Variants in TTN observed in about 807,000 individuals in gnomAD.
The protein encoded by TTN is connectin.
In TTN, 1,525 loss-of-function variants were observed where a neutral mutation model predicts 3,223.0. The observed-to-expected ratio is 0.47, with a 90% CI of 0.45 to 0.49. The LOEUF (loss-of-function observed/expected upper bound fraction) is 0.49, where lower values mean the gene tolerates loss of function less well. TTN is among the 20% of genes least tolerant of loss of function. TTN has a pLI of 0.00. For synonymous variants in TTN, 14,094 were observed against 15,161.0 expected (o/e 0.93, Z 5.17); for missense variants, 40,786 against 43,424.0 (o/e 0.94, Z 5.40).
At chr2:178,742,507 A>G (rs1228089332) in intron 47 of TTN, among the ~76,000 whole-genome samples, 1 of 152,190 alleles carries the variant, frequency 6.6e-6, no homozygotes, top group Admixed American at 6.5e-5. Context: ...TATGTAAATC[A>G]CCATATTACT....
Position 178,652,267 on chromosome 2 carries a change from T to C in TTN, c.39208A>G (p.Lys13070Glu). The C allele has an allele frequency of 6.2e-7, 1 of 1,613,610 alleles. No homozygotes were observed. The highest frequency in any genetic ancestry group is 8.5e-7 in the Non-Finnish European group (1 of 1,179,700). ...ACAGCACCATGAGGGTGTCTACCTT[T>C]TGTGGGTGGCACTTCAGGCTTTTTA... Reference protein sequence around the residue: ...PPKKPEVPPTKVPEVPKVAVP... With the variant: ...PPKKPEVPPTEVPEVPKVAVP... Residue 13070 changes from lysine (K) to glutamate (E), a missense_variant, in exon 203 of 363, where the codon AAA (lysine) becomes GAA (glutamate). Coordinates refer to ENST00000589042, the MANE Select transcript of TTN (RefSeq NM_001267550.2).
In TTN at chr2:178,588,238, T is replaced by C; in HGVS notation, c.63188-19A>G. ...GGTGGCTCTGAAAGTAAAATATACA[T>C]ATAGTTAACTACTACTAGTGATACT... On this transcript the variant is annotated intron_variant, in intron 304 of 362. Transcript: ENST00000589042. 1 of 1,533,180 alleles carries C rather than the reference T, an allele frequency of 6.5e-7. No individual in the cohort carries two copies. Among genetic ancestry groups the C allele is most frequent in the Non-Finnish European group, 8.8e-7 (1 of 1,135,510 alleles). The allele number at this position is 1,533,180 out of a possible 1,614,324, so 95.0% of individuals were successfully genotyped here. A position where few individuals can be genotyped will look rare whatever the true frequency, so the allele number is the denominator to read the frequency against.
In TTN at chr2:178,791,635, G is replaced by A. The variant is rs773809846; in HGVS notation, c.1662+437C>T. On this transcript the variant is annotated intron_variant, in intron 10 of 362. Transcript: ENST00000589042. ...CCTCACTTTCCCTTGCTATTTATTC[G>A]GGGTGTTTATGGCTGATGTATGTGT... 6.7e-5 allele frequency among the ~76,000 whole-genome samples: 10 copies of A among 150,008 alleles called. No homozygotes were observed. The Middle Eastern group carries it at 0.01, about 153-fold the overall frequency.
At position 178,689,219 on chromosome 2, in the gene TTN, C is replaced by T; in HGVS notation, c.32011+71G>A. On this transcript the variant is annotated intron_variant, in intron 124 of 362. Transcript: ENST00000589042. ...AAAACAAAGAAATACACCCACAGTG[C>T]ACTCATATCACAAAACTAACAAAAT... 8 of 1,589,994 alleles carry T rather than the reference C, an allele frequency of 5.0e-6. No individual in the cohort carries two copies. The South Asian group carries it at 9.1e-5, about 18-fold the overall frequency.
Position 178,667,460 on chromosome 2 carries a change from C to T in TTN, c.35695G>A (p.Glu11899Lys). 6.2e-7 allele frequency: 1 copy of T among 1,601,024 alleles called. No individual in the cohort carries two copies. Among genetic ancestry groups the T allele is most frequent in the Non-Finnish European group, 8.5e-7 (1 of 1,177,614 alleles). ...AATATACCTTTAGTTGCTGGTGTTT[C>T]TCTCTTTTTAGGAATAGTCACATAT... is the stretch of plus-strand genomic sequence containing the variant. ...KIYVTIPKKR[E>K]TPATKEPDTT... Residue 11899 changes from glutamate (E) to lysine (K), a missense_variant, in exon 161 of 363, where the codon GAA (glutamate) becomes AAA (lysine). Transcript: ENST00000589042.
chr2:178,549,548 C>T, intron 338 of TTN, 22 bp downstream of exon 338: 1 of 1,604,406 alleles, frequency 6.2e-7, no homozygotes, highest in Non-Finnish European at 8.5e-7. Flanking sequence ...CATAGTACCG[C>T]TTAGTAAAAA....
chr2:178,663,348 G>A lies in TTN; in HGVS notation c.36618C>T (p.Val12206=), dbSNP rs777734136. 7.5e-6 allele frequency: 12 copies of A among 1,593,182 alleles called. No homozygotes were observed. The highest frequency in any genetic ancestry group is 1.0e-5 in the Non-Finnish European group (12 of 1,174,008). ...GGACAGCTGCCTTTGGCACCTCTGG[G>A]ACTTTAAAGATATTAGTATTTTCAT... is the stretch of plus-strand genomic sequence containing the variant. ...PKKPEVPPTK[V]PEVPKAAVPE... Residue 12206 remains valine (V), a splice_region_variant and synonymous_variant, in exon 173 of 363, where the codon GTC becomes GTT. Transcript: ENST00000589042.
At chr2:178,750,866 T>C (rs748260080) in intron 47 of TTN, 24 of 1,612,992 alleles carry the variant, frequency 1.5e-5, no homozygotes, top group Middle Eastern at 1.6e-4. Context: ...AATTGTAGTA[T>C]TGGCCATAAT....
Position 178,640,618 on chromosome 2 carries a change from G to C in TTN, c.40646C>G (p.Pro13549Arg), listed in dbSNP as rs769899028. The change falls in exon 221 of 363, where the codon CCA (proline) becomes CGA (arginine). Residue 13549 changes from proline (P) to arginine (R), a missense_variant. Transcript: ENST00000589042. ...AACCTCTTCAACAGGTTTTGGAGGT[G>C]GTGGTTCTGGTACTTTAAGATAAGA... is the stretch of plus-strand genomic sequence containing the variant. ...KVKKPAVPEP[P>R]PPKPVEEVEV... 6.3e-7 allele frequency: 1 copy of C among 1,582,960 alleles called. No individual in the cohort carries two copies. Among genetic ancestry groups the C allele is most frequent in the South Asian group, 1.2e-5 (1 of 86,148 alleles).
In TTN at chr2:178,566,208, C is replaced by A. The variant is rs1559348938; in HGVS notation, c.79924G>T (p.Gly26642Ter). The part of the protein sequence containing the change: ...EFTDKVQIEK[G>*]VNYTQLSIDN... Reference sequence around the variant, plus strand: ...ATTGATAGTTGGGTATAGTTTACTCCCTTTTCAATTTGGACCTTATCTGTG... The same window carrying A: ...ATTGATAGTTGGGTATAGTTTACTCACTTTTCAATTTGGACCTTATCTGTG... Residue 26642 changes from glycine to a stop codon, truncating the protein, a stop_gained, in exon 326 of 363, where the codon GGA becomes TGA. Coordinates refer to ENST00000589042, the MANE Select transcript of TTN (RefSeq NM_001267550.2). LOFTEE classifies it high-confidence loss of function. 6.2e-7 allele frequency: 1 copy of A among 1,613,658 alleles called. No homozygotes were observed. Among genetic ancestry groups the A allele is most frequent in the Non-Finnish European group, 8.5e-7 (1 of 1,179,696 alleles).
At position 178,617,844 on chromosome 2, in the gene TTN, T is replaced by C. The variant is rs1309017744; in HGVS notation, c.47507A>G (p.Gln15836Arg). The change falls in exon 253 of 363, where the codon CAA (glutamine) becomes CGA (arginine). Residue 15836 changes from glutamine to arginine, a missense_variant. Physicochemically the swap from Gln to Arg is conservative, Grantham distance 43. Transcript: ENST00000589042. Reference sequence around the variant, plus strand: ...TGGTTTTCCAACTCCAATTCGATTTTGGGCTCTCACTCGGAAACTGTACTC... The same window carrying C: ...TGGTTTTCCAACTCCAATTCGATTTCGGGCTCTCACTCGGAAACTGTACTC... ...GQEYSFRVRA[Q>R]NRIGVGKPSA... 7.4e-6 allele frequency: 12 copies of C among 1,612,532 alleles called. No homozygotes were observed. The highest frequency in any genetic ancestry group is 9.3e-6 in the Non-Finnish European group (11 of 1,179,092).
In TTN at chr2:178,793,634, A is replaced by G; in HGVS notation, c.1399-93T>C. On this transcript the variant is annotated intron_variant, in intron 8 of 362. Transcript: ENST00000589042. ...CCTCGCCAACATGGTGAAATCCTCT[A>G]CTAAAAAATACAAAAATTAGCTGGG... The G allele has an allele frequency of 1.3e-5, 21 of 1,564,442 alleles. 1 individual carries two copies. In the South Asian group the frequency reaches 2.1e-4, roughly 16 times the overall value.
chr2:178,588,504 T>A (rs2049533862), intron 304 of TTN, 34 bp downstream of exon 304: 1 of 1,498,478 alleles, frequency 6.7e-7, no homozygotes, highest in Non-Finnish European at 8.9e-7. Context: ...GATTAAGAGT[T>A]GCTGTAATAT....
intron 127 of TTN, among the ~76,000 whole-genome samples, chr2:178,687,836 C>A (rs1039915806): frequency 6.6e-6 from 1 of 152,084 alleles, no homozygotes; most frequent in African/African-American, 2.4e-5. Context: ...TATGGAGATA[C>A]CTGCCCTGAT....
At chr2:178,596,763 A>C (rs2051758191) in intron 294 of TTN, among the ~76,000 whole-genome samples, 1 of 152,024 alleles carries the variant, frequency 6.6e-6, no homozygotes, top group Non-Finnish European at 1.5e-5. Flanking sequence ...TTTTCACATA[A>C]AAACTGTGGC....
intron 218 of TTN, among the ~76,000 whole-genome samples, chr2:178,643,215 T>G (rs77562293): frequency 0.01 from 1,585 of 152,144 alleles, 34 homozygotes; most frequent in African/African-American, 0.036. Flanking sequence ...TTTTTAGATA[T>G]TTCTATAAAA....
chr2:178,636,545 C>T lies in TTN; in HGVS notation c.41182G>A (p.Glu13728Lys), dbSNP rs765483020. The T allele has an allele frequency of 2.5e-6, 4 of 1,613,474 alleles. No homozygotes were observed. The South Asian group carries it at 3.3e-5, about 13-fold the overall frequency. The change falls in exon 225 of 363, where the codon GAG (glutamate) becomes AAG (lysine). Residue 13728 changes from glutamate (E) to lysine (K), a missense_variant. By Grantham distance (56) the Glu-to-Lys change is moderately conservative. Coordinates refer to ENST00000589042, the MANE Select transcript of TTN (RefSeq NM_001267550.2). This position sits in a 1 kb window ranked among gnomAD's most constrained non-coding sequence, Gnocchi z 4.3. The stretch of plus-strand genomic sequence containing the variant: ...GCAATAAACCTGTGCTTGGGACTCT[C>T]ACGGATATTGCTACCGTCTTTCATC... ...TWMKDGSNIRESPKHRFIADG... is the reference protein window; with the variant it reads ...TWMKDGSNIRKSPKHRFIADG...
intron 316 of TTN, chr2:178,581,014 C>G (rs2047608238): frequency 5.9e-6 from 1 of 168,896 alleles, no homozygotes; most frequent in African/African-American, 2.4e-5. Flanking sequence ...AGAAAAGTAC[C>G]TGGAGGGTGA....
In TTN at chr2:178,688,189, C is replaced by G; in HGVS notation, c.32233G>C (p.Glu10745Gln). The change falls in exon 127 of 363, where the codon GAG becomes CAG. Residue 10745 changes from glutamate (E) to glutamine (Q), a missense_variant. Coordinates refer to ENST00000589042, the MANE Select transcript of TTN (RefSeq NM_001267550.2). ...AEEEWSYSEE[E>Q]EGVSISVYRE... The stretch of plus-strand genomic sequence containing the variant: ...TAAACTGAAATGGACACACCTTCCT[C>G]CTCTTCTGAGTAACTCCATTCCTCC... The G allele has an allele frequency of 6.2e-7, 1 of 1,612,942 alleles. No homozygotes were observed. Among genetic ancestry groups the G allele is most frequent in the African/African-American group, 1.3e-5 (1 of 75,066 alleles).
Sources: allele counts gnomAD v4.1 joint callset (sites outside exome capture counted in the v4.1 genomes callset), GRCh38; gene constraint gnomAD v4.1.1; non-coding constraint Gnocchi (gnomAD v3.1); transcripts MANE v1.5; gene names NCBI Gene and HGNC (gene_info 2026-07-23, HGNC 2026-07-21).